Variants in PIEZO2 observed in about 807,000 individuals in gnomAD.
PIEZO2 encodes the protein piezo type mechanosensitive ion channel component 2.
A neutral mutation model predicts 337.3 loss-of-function variants in PIEZO2; 172 were observed. The ratio of observed to expected loss-of-function variants is 0.51; its 90% CI spans 0.45 to 0.58. The LOEUF is 0.58. Among genes scored for constraint, PIEZO2 ranks in the 20% least tolerant of loss-of-function variants. The pLI, the probability that PIEZO2 is intolerant of heterozygous loss-of-function variation, is 0.00. For missense variants in PIEZO2, 3,028 were observed against 3,391.3 expected (o/e 0.89, Z 2.66); for synonymous variants, 1,251 against 1,228.5 (o/e 1.02, Z -0.38).
intron 5 of PIEZO2, among the ~76,000 whole-genome samples, chr18:10,858,804 G>A (rs999744908): frequency 6.6e-6 from 1 of 152,074 alleles, no homozygotes; most frequent in African/African-American, 2.4e-5. Flanking sequence ...CACCCAGCCA[G>A]CCCTCCACCC....
intron 18 of PIEZO2, among the ~76,000 whole-genome samples, chr18:10,777,055 C>T (rs1052372024): frequency 7.9e-5 from 12 of 152,146 alleles, no homozygotes; most frequent in South Asian, 2.1e-4. Flanking sequence ...CCAAATAATA[C>T]GCATGATGAT....
chr18:10,914,020 C>T (rs984195943), intron 3 of PIEZO2, among the ~76,000 whole-genome samples: 2 of 152,132 alleles, frequency 1.3e-5, no homozygotes, highest in Admixed American at 1.3e-4. Context: ...AAACAAGAAA[C>T]ACACAATAAA....
rs1195744044 is a variant in PIEZO2, at chr18:10,726,742, A to G, written c.5029+4665T>C. The G allele has an allele frequency of 6.8e-7, 1 of 1,462,270 alleles. No individual in the cohort carries two copies. Among genetic ancestry groups the G allele is most frequent in the Non-Finnish European group, 9.6e-7 (1 of 1,045,630 alleles). The allele number at this position is 1,462,270 out of a possible 1,614,324, so 90.6% of individuals were successfully genotyped here. A position where few individuals can be genotyped will look rare whatever the true frequency, so the allele number is the denominator to read the frequency against. On this transcript the variant is annotated intron_variant, in intron 36 of 55. Transcript: ENST00000674853. This position sits in a 1 kb window ranked among gnomAD's most constrained non-coding sequence, Gnocchi z 5.9. The stretch of plus-strand genomic sequence containing the variant: ...GTGCATTCTGGGACATCGCCAGACC[A>G]TCGATTTCCCGCTGCTGACCTCACT...
intron 4 of PIEZO2, among the ~76,000 whole-genome samples, chr18:10,873,946 A>C (rs1490530506): frequency 6.6e-6 from 1 of 152,216 alleles, no homozygotes; most frequent in East Asian, 1.9e-4. Context: ...AAGCACAGGC[A>C]ACAAAAGCAA....
intron 36 of PIEZO2, among the ~76,000 whole-genome samples, chr18:10,718,522 T>C (rs1038070472): frequency 6.6e-6 from 1 of 152,206 alleles, no homozygotes; most frequent in African/African-American, 2.4e-5. Context: ...TGTTGCCAAA[T>C]GGCCTGTGAG....
At chr18:10,996,042 A>C (rs1345310854) in intron 2 of PIEZO2, among the ~76,000 whole-genome samples, 5 of 151,924 alleles carry the variant, frequency 3.3e-5, no homozygotes, top group Admixed American at 1.3e-4. Context: ...TACATTTTGA[A>C]ACAATAGAGT....
rs2038363959 is a variant in PIEZO2 at position 10,766,505 on chromosome 18, G to A, written c.2947-3407C>T. On this transcript the variant is annotated intron_variant, in intron 21 of 55. Coordinates refer to ENST00000674853, the MANE Select transcript of PIEZO2 (RefSeq NM_001378183.1). The surrounding 1 kb of genome is among the most constrained non-coding windows in gnomAD (Gnocchi z 6.1). ...TATGCAATAGTGCTTTCCCAAAAAA[G>A]CCCTGTACACAGGTTGTCATCCTAT... is the stretch of plus-strand genomic sequence containing the variant. Among the ~76,000 whole-genome samples, 1 of 152,198 alleles carries A rather than the reference G, an allele frequency of 6.6e-6. No individual in the cohort carries two copies. The highest frequency in any genetic ancestry group is 2.1e-4 in the South Asian group (1 of 4,832).
chr18:10,866,369 T>A (rs1298641072), intron 5 of PIEZO2, among the ~76,000 whole-genome samples: 1 of 150,584 alleles, frequency 6.6e-6, no homozygotes, highest in East Asian at 2.0e-4. Context: ...CACTGCAACC[T>A]CTGCCTCCCA....
intron 1 of PIEZO2, among the ~76,000 whole-genome samples, chr18:11,139,871 G>A (rs1251354144): frequency 1.3e-5 from 2 of 152,070 alleles, no homozygotes; most frequent in African/African-American, 4.8e-5. Flanking sequence ...TATACAGATC[G>A]AGTCAGAATT....
chr18:10,704,201 G>A, intron 42 of PIEZO2, 193 bp downstream of exon 42: 2 of 730,106 alleles, frequency 2.7e-6, no homozygotes, highest in Non-Finnish European at 4.3e-6. Flanking sequence ...AAGATTTTTA[G>A]AATTGCGAGT....
intron 49 of PIEZO2, among the ~76,000 whole-genome samples, chr18:10,685,311 A>G (rs566784559): frequency 6.6e-5 from 10 of 152,262 alleles, no homozygotes; most frequent in South Asian, 4.1e-4. Flanking sequence ...AGACTCCCCA[A>G]TATCACCTCC....
intron 1 of PIEZO2, among the ~76,000 whole-genome samples, chr18:11,100,876 T>C (rs1294121021): frequency 6.6e-6 from 1 of 152,228 alleles, no homozygotes; most frequent in Non-Finnish European, 1.5e-5. Context: ...ATTACAGGCA[T>C]GAGCCACCGT....
At chr18:11,053,951 G>A (rs2037625173) in intron 2 of PIEZO2, among the ~76,000 whole-genome samples, 1 of 152,164 alleles carries the variant, frequency 6.6e-6, no homozygotes, top group African/African-American at 2.4e-5. Context: ...TTGCACCTGG[G>A]AGGTGGAGGC....
At chr18:11,065,213 C>G (rs2038109608) in intron 2 of PIEZO2, among the ~76,000 whole-genome samples, 1 of 152,114 alleles carries the variant, frequency 6.6e-6, no homozygotes, top group South Asian at 2.1e-4. Context: ...ACACCGTGGT[C>G]TTTACTTCTT....
In PIEZO2 at chr18:11,143,600, AACAC is replaced by A. The variant is rs57885955; in HGVS notation, c.64+4921_64+4924del. The stretch of plus-strand genomic sequence containing the variant: ...AAAATCCTGAGAACTAAAAATCTCT[AACAC>A]ACACACACACACACACACACACACA... On this transcript the variant is annotated intron_variant, in intron 1 of 55. Transcript: ENST00000674853. This position sits in a 1 kb window ranked among gnomAD's most constrained non-coding sequence, Gnocchi z 4.9. 0.044 allele frequency among the ~76,000 whole-genome samples: 4,661 copies of A among 106,338 alleles called. 69 individuals are homozygous for A. Among genetic ancestry groups the A allele is most frequent in the Non-Finnish European group, 0.051 (2,631 of 51,132 alleles). 69.8% of individuals were successfully genotyped at this position (106,338 alleles called of 152,430 possible). A position where few individuals can be genotyped will look rare whatever the true frequency, so the allele number is the denominator to read the frequency against.
rs2038430842 is a variant in PIEZO2 at position 10,767,873 on chromosome 18, C to T, written c.2946+2275G>A. On this transcript the variant is annotated intron_variant, in intron 21 of 55. Coordinates refer to ENST00000674853, the MANE Select transcript of PIEZO2 (RefSeq NM_001378183.1). The surrounding 1 kb of genome is among the most constrained non-coding windows in gnomAD (Gnocchi z 4.2). The stretch of plus-strand genomic sequence containing the variant: ...CCAAGAGTGGCTGTGGGATGCCCCA[C>T]CGTGGAGCCTCCAGGAGGGCAAGGG... Among the ~76,000 whole-genome samples the T allele has an allele frequency of 6.6e-6, 1 of 152,162 alleles. No homozygotes were observed. Among genetic ancestry groups the T allele is most frequent in the Admixed American group, 6.5e-5 (1 of 15,286 alleles).
chr18:10,679,053 C>T (rs534189242), intron 52 of PIEZO2, among the ~76,000 whole-genome samples: 1 of 152,046 alleles, frequency 6.6e-6, no homozygotes, highest in South Asian at 2.1e-4. Flanking sequence ...CTGCCTCAGC[C>T]TCCTGAGTAG....
At position 10,979,518 on chromosome 18, in the gene PIEZO2, A is replaced by G; in HGVS notation, c.286+17T>C. ...GAAATAAAAGAAAACAATAAAAGAA[A>G]ACACCATAATACTCACAGTTGTAGC... On this transcript the variant is annotated intron_variant, in intron 3 of 55. Transcript: ENST00000674853. The surrounding 1 kb of genome is among the most constrained non-coding windows in gnomAD (Gnocchi z 4.0). 6.8e-7 allele frequency: 1 copy of G among 1,481,204 alleles called. No individual in the cohort carries two copies. Among genetic ancestry groups the G allele is most frequent in the Non-Finnish European group, 9.0e-7 (1 of 1,114,722 alleles). The allele number at this position is 1,481,204 out of a possible 1,614,324, so 91.8% of individuals were successfully genotyped here. A position where few individuals can be genotyped will look rare whatever the true frequency, so the allele number is the denominator to read the frequency against.
intron 16 of PIEZO2, among the ~76,000 whole-genome samples, chr18:10,785,784 G>A (rs1260576880): frequency 6.6e-6 from 1 of 152,154 alleles, no homozygotes; most frequent in African/African-American, 2.4e-5. Context: ...GACCGCTGCT[G>A]CTGCCTACTA....
Sources: allele counts gnomAD v4.1 joint callset (sites outside exome capture counted in the v4.1 genomes callset), GRCh38; gene constraint gnomAD v4.1.1; non-coding constraint Gnocchi (gnomAD v3.1); transcripts MANE v1.5; gene names NCBI Gene and HGNC (gene_info 2026-07-23, HGNC 2026-07-21).